The following ZNF140 variants were observed in gnomAD, a reference collection of about 807,000 sequenced individuals.
ZNF140 encodes the protein zinc finger protein 140, also known as zinc finger protein 140 (clone pHZ-39).
Under a neutral mutation model 12.9 loss-of-function variants are expected in ZNF140, and 13 were observed. The observed-to-expected ratio is 1.01, with a 90% CI of 0.66 to 1.60. The LOEUF (loss-of-function observed/expected upper bound fraction) is 1.60. ZNF140 is among the 40% of genes most tolerant of loss of function. The probability of loss-of-function intolerance (pLI) is 0.00; values close to 1 mark genes in which losing one functional copy is unlikely to be tolerated. For missense variants in ZNF140, 531 were observed against 548.8 expected, an observed-to-expected ratio of 0.97 and a Z score of 0.32; for synonymous variants, 214 against 186.7, an observed-to-expected ratio of 1.15 and a Z score of -1.19.
chr12:133,094,689 TCCTTCA>T lies in ZNF140; in HGVS notation c.233-10818_233-10813del, dbSNP rs1955004059. ...AAGCTGCAGGGCAAGTCTGAATTGC[TCCTTCA>T]CCGTAGTGAACTGCAGGTTGGGCAA... On this transcript the variant is annotated intron_variant, in intron 4 of 4. Transcript: ENST00000355557. Among the ~76,000 whole-genome samples, 19 of 151,166 alleles carry T rather than the reference TCCTTCA, an allele frequency of 1.3e-4. 1 individual carries two copies. Among genetic ancestry groups the T allele is most frequent in the Non-Finnish European group, 2.2e-4 (15 of 67,860 alleles).
intron 4 of ZNF140, among the ~76,000 whole-genome samples, chr12:133,092,278 G>A (rs11615326): frequency 0.18 from 27,187 of 150,626 alleles, 3,614 homozygotes; most frequent in Non-Finnish European, 0.25. Context: ...CCCACGGTCG[G>A]TCCATGGACA....
chr12:133,091,229 G>A (rs61951764), intron 4 of ZNF140, among the ~76,000 whole-genome samples: 4,508 of 150,480 alleles, frequency 0.03, 276 homozygotes, highest in Non-Finnish European at 0.049. Flanking sequence ...AGGTCTCTGC[G>A]GCTTTCTGCA....
At chr12:133,081,161 C>T (rs1341001465) in intron 1 of ZNF140, 89 bp downstream of exon 1, 3 of 345,152 alleles carry the variant, frequency 8.7e-6, no homozygotes, top group South Asian at 3.2e-5. Flanking sequence ...GCCCTGCTCT[C>T]TACGTGGGAG....
chr12:133,088,588 A>G (rs1471665211), intron 4 of ZNF140, among the ~76,000 whole-genome samples: 2 of 152,230 alleles, frequency 1.3e-5, no homozygotes, highest in Admixed American at 1.3e-4. Flanking sequence ...TTGTATGGGC[A>G]TAAGTTTTCA....
rs1050273446 is a variant in ZNF140 at position 133,094,093 on chromosome 12, C to T, written c.232+10532C>T. 3.9e-4 allele frequency among the ~76,000 whole-genome samples: 59 copies of T among 151,378 alleles called. 1 individual carries two copies. Among genetic ancestry groups the T allele is most frequent in the Admixed American group, 3.0e-3 (45 of 15,230 alleles). On this transcript the variant is annotated intron_variant, in intron 4 of 4. Coordinates refer to ENST00000355557, the MANE Select transcript of ZNF140 (RefSeq NM_003440.4). ...TTATCAGATGATATTGTCAGGCCTG[C>T]GTTTGCAACCTCTGTCTGCAGAAAT...
rs533568902 is a variant in ZNF140, at chr12:133,106,744, T to C, written c.*93T>C. On this transcript the variant is annotated 3_prime_UTR_variant, in exon 5 of 5. Coordinates refer to ENST00000355557, the MANE Select transcript of ZNF140 (RefSeq NM_003440.4). ...AGAGAACTCTTGGAAAGAAGCCTTA[T>C]GTGAAAGTGATGACTGTGAAGTAAT... 9.7e-5 allele frequency: 116 copies of C among 1,190,698 alleles called. No homozygotes were observed. The East Asian group carries it at 2.7e-3, about 28-fold the overall frequency. 73.8% of individuals were successfully genotyped at this position (1,190,698 alleles called of 1,614,324 possible).
At chr12:133,103,093 A>G (rs985069672) in intron 4 of ZNF140, among the ~76,000 whole-genome samples, 2 of 152,190 alleles carry the variant, frequency 1.3e-5, no homozygotes, top group Admixed American at 6.5e-5. Context: ...ACATGTATAC[A>G]TTGTATAATG....
In ZNF140 at chr12:133,095,724, A is replaced by C. The variant is rs868634261; in HGVS notation, c.233-9786A>C. On this transcript the variant is annotated intron_variant, in intron 4 of 4. Transcript: ENST00000355557. ...GTGATAATAAGGAGAAGGTCAGCAA[A>C]AAACATGTGAGCAAAAGAATCTATG... 6.8e-4 allele frequency among the ~76,000 whole-genome samples: 103 copies of C among 151,552 alleles called. 1 individual carries two copies. The highest frequency in any genetic ancestry group is 3.6e-3 in the South Asian group (17 of 4,736).
At chr12:133,093,165 C>T (rs1294495520) in intron 4 of ZNF140, among the ~76,000 whole-genome samples, 1 of 151,152 alleles carries the variant, frequency 6.6e-6, no homozygotes, top group Admixed American at 6.6e-5. Flanking sequence ...ATCATTCCTT[C>T]TTCAGGTTGG....
intron 4 of ZNF140, among the ~76,000 whole-genome samples, chr12:133,090,850 ATGTG>A (rs1954842435): frequency 1.0e-4 from 13 of 129,890 alleles, no homozygotes; most frequent in Admixed American, 4.7e-4. Flanking sequence ...CTATGCCTAG[ATGTG>A]CATGTAATCC....
chr12:133,099,447 G>A (rs998404138), intron 4 of ZNF140, among the ~76,000 whole-genome samples: 2 of 152,202 alleles, frequency 1.3e-5, no homozygotes, highest in Non-Finnish European at 2.9e-5. Flanking sequence ...AAAGTGCTGG[G>A]ATTACAGGCA....
At chr12:133,081,716 G>A in intron 2 of ZNF140, 1 of 359,170 alleles carries the variant, frequency 2.8e-6, no homozygotes, top group Non-Finnish European at 5.6e-6. Context: ...AGGGTAGGGT[G>A]CCAGCTGTTA....
At position 133,081,370 on chromosome 12, in the gene ZNF140, TAAA is replaced by T. The variant is rs1467909928; in HGVS notation, c.9+42_9+44del. 4.8e-4 allele frequency: 113 copies of T among 235,960 alleles called. 7 individuals carry two copies. The highest frequency in any genetic ancestry group is 1.8e-3 in the Admixed American group (25 of 13,598). The allele number at this position is 235,960 out of a possible 1,614,324, so 14.6% of individuals were successfully genotyped here. On this transcript the variant is annotated intron_variant, in intron 2 of 4. Transcript: ENST00000355557. ...ATAAATATATATATATATATATATA[TAAA>T]TTTTTATTTTTTTTTTAAGAGAGAG...
chr12:133,095,616 C>G (rs1955051852), intron 4 of ZNF140, among the ~76,000 whole-genome samples: 1 of 151,904 alleles, frequency 6.6e-6, no homozygotes, highest in South Asian at 2.1e-4. Context: ...CAAGGACCTG[C>G]ACCAGCACCG....
At position 133,096,437 on chromosome 12, in the gene ZNF140, A is replaced by G. The variant is rs945995600; in HGVS notation, c.233-9073A>G. 4.6e-5 allele frequency among the ~76,000 whole-genome samples: 7 copies of G among 152,172 alleles called. No individual in the cohort carries two copies. In the East Asian group the frequency reaches 5.8e-4, roughly 13 times the overall value. On this transcript the variant is annotated intron_variant, in intron 4 of 4. Transcript: ENST00000355557. ...AGTCTCTTATGTCTTCCCTTTCTAC[A>G]TAGGTACAGTGACAGTCTGATCTCC...
intron 2 of ZNF140, 164 bp from the exon 3 acceptor site, chr12:133,082,939 A>G: frequency 1.0e-6 from 1 of 969,246 alleles, no homozygotes; most frequent in Non-Finnish European, 1.5e-6. Context: ...AACAAAACAC[A>G]AGAGCTAGGC....
intron 4 of ZNF140, among the ~76,000 whole-genome samples, chr12:133,089,508 G>A (rs1212104721): frequency 2.0e-5 from 3 of 151,894 alleles, no homozygotes; most frequent in African/African-American, 4.8e-5. Context: ...GCCACCACAC[G>A]CAGCCTCATT....
intron 4 of ZNF140, chr12:133,100,909 C>T (rs938965401): frequency 4.7e-5 from 20 of 429,924 alleles, no homozygotes; most frequent in Non-Finnish European, 8.9e-5. Flanking sequence ...AGACGTCACA[C>T]TACTCAGAAT....
chr12:133,107,074 A>T lies in ZNF140; in HGVS notation c.*423A>T, dbSNP rs1038371742. The stretch of plus-strand genomic sequence containing the variant: ...ACAAGGGATGAGCTTTACAAAGATG[A>T]TGCACTTTGGAGATCAGAAAATTCA... On this transcript the variant is annotated 3_prime_UTR_variant, in exon 5 of 5. Transcript: ENST00000355557. 1 of 154,696 alleles carries T rather than the reference A, an allele frequency of 6.5e-6. No homozygotes were observed. Among genetic ancestry groups the T allele is most frequent in the African/African-American group, 2.4e-5 (1 of 41,508 alleles). 9.6% of individuals were successfully genotyped at this position (154,696 alleles called of 1,614,324 possible).
Sources: allele counts gnomAD v4.1 joint callset (sites outside exome capture counted in the v4.1 genomes callset), GRCh38; gene constraint gnomAD v4.1.1; transcripts MANE v1.5; gene names NCBI Gene and HGNC (gene_info 2026-07-23, HGNC 2026-07-21).